Variants in KLHL1 observed in about 807,000 individuals in gnomAD.
KLHL1 encodes the protein kelch like family member 1, also known as kelch-like protein 1.
KLHL1 carries 47 observed loss-of-function variants against 77.7 expected under a neutral mutation model. The ratio of observed to expected loss-of-function variants is 0.60; its 90% CI spans 0.48 to 0.77. The LOEUF (loss-of-function observed/expected upper bound fraction) is 0.77. KLHL1 is among the 30% of genes least tolerant of loss of function. The pLI is 0.00. For missense variants in KLHL1, 925 were observed against 910.8 expected (o/e 1.02, Z -0.20); for synonymous variants, 360 against 325.2 (o/e 1.11, Z -1.15).
chr13:70,068,660 A>G (rs1887071544), intron 1 of KLHL1, among the ~76,000 whole-genome samples: 1 of 152,224 alleles, frequency 6.6e-6, no homozygotes, highest in Non-Finnish European at 1.5e-5. Flanking sequence ...GTTTATCCCT[A>G]AAAATCTAAA....
At chr13:69,754,010 TTTTTG>T (rs916663725) in intron 7 of KLHL1, among the ~76,000 whole-genome samples, 1 of 151,916 alleles carries the variant, frequency 6.6e-6, no homozygotes, top group Non-Finnish European at 1.5e-5. Flanking sequence ...CTAATTTTTT[TTTTTG>T]TTTTTAGTAG....
intron 2 of KLHL1, among the ~76,000 whole-genome samples, chr13:69,971,429 AATC>A (rs1175051909): frequency 1.3e-5 from 2 of 152,112 alleles, no homozygotes; most frequent in African/African-American, 4.8e-5. Flanking sequence ...GGTCTATCAT[AATC>A]ATCTTTGTCC....
At chr13:69,738,862 C>T (rs1873872071) in intron 8 of KLHL1, among the ~76,000 whole-genome samples, 1 of 152,096 alleles carries the variant, frequency 6.6e-6, no homozygotes, top group Non-Finnish European at 1.5e-5. Context: ...TTCCAACTTA[C>T]CAAGACAGGC....
At chr13:69,776,040 C>T (rs1311203429) in intron 7 of KLHL1, among the ~76,000 whole-genome samples, 1 of 151,604 alleles carries the variant, frequency 6.6e-6, no homozygotes, top group Non-Finnish European at 1.5e-5. Flanking sequence ...CTTGTATTCC[C>T]AGCTGCTAGG....
chr13:69,875,525 T>C (rs952829925), intron 5 of KLHL1, among the ~76,000 whole-genome samples: 1 of 152,152 alleles, frequency 6.6e-6, no homozygotes, highest in Non-Finnish European at 1.5e-5. Flanking sequence ...ATAAAGACTT[T>C]CAGATTATGT....
chr13:69,734,810 T>C (rs184539175), intron 8 of KLHL1, among the ~76,000 whole-genome samples: 1 of 152,232 alleles, frequency 6.6e-6, no homozygotes, highest in East Asian at 1.9e-4. Flanking sequence ...AAAGGTACTA[T>C]ATATAATAGT....
intron 3 of KLHL1, among the ~76,000 whole-genome samples, chr13:69,960,623 T>A (rs1478566239): frequency 6.6e-6 from 1 of 152,100 alleles, no homozygotes; most frequent in Non-Finnish European, 1.5e-5. Context: ...GTTCATTTGG[T>A]CTGTGAGCTT....
At chr13:70,014,828 A>G (rs1885618911) in intron 1 of KLHL1, among the ~76,000 whole-genome samples, 1 of 152,166 alleles carries the variant, frequency 6.6e-6, no homozygotes, top group Non-Finnish European at 1.5e-5. Context: ...TGGGAAAAAC[A>G]TTCTAGAAAA....
chr13:69,879,300 TATA>T (rs1880890912), intron 5 of KLHL1, among the ~76,000 whole-genome samples: 1 of 152,216 alleles, frequency 6.6e-6, no homozygotes, highest in African/African-American at 2.4e-5. Context: ...TCATTTATGC[TATA>T]ATATTGCTGT....
At chr13:69,804,416 G>A (rs1877526112) in intron 6 of KLHL1, among the ~76,000 whole-genome samples, 1 of 151,960 alleles carries the variant, frequency 6.6e-6, no homozygotes, top group Non-Finnish European at 1.5e-5. Flanking sequence ...CACTTATCTT[G>A]CATACAGCAC....
intron 7 of KLHL1, among the ~76,000 whole-genome samples, chr13:69,758,231 A>G (rs951698967): frequency 1.4e-4 from 21 of 152,088 alleles, no homozygotes; most frequent in Admixed American, 1.3e-3. Flanking sequence ...TCTTGTTCAA[A>G]AGATAAACCA....
intron 3 of KLHL1, among the ~76,000 whole-genome samples, chr13:69,958,391 A>G (rs1207870845): frequency 6.6e-6 from 1 of 151,804 alleles, no homozygotes; most frequent in Non-Finnish European, 1.5e-5. Context: ...AGTGTTTCCC[A>G]TATCTTAATA....
chr13:69,937,331 C>T (rs906677662), intron 4 of KLHL1, among the ~76,000 whole-genome samples: 2 of 152,156 alleles, frequency 1.3e-5, no homozygotes, highest in Non-Finnish European at 2.9e-5. Flanking sequence ...CTGCTTTAAA[C>T]ACAAGTCCAT....
At chr13:69,940,803 A>T (rs1883342736) in intron 3 of KLHL1, among the ~76,000 whole-genome samples, 1 of 150,422 alleles carries the variant, frequency 6.6e-6, no homozygotes, top group African/African-American at 2.4e-5. Flanking sequence ...AAAAAAAAAA[A>T]AAAAAAAAAA....
chr13:70,085,289 G>C (rs1887508864), intron 1 of KLHL1, among the ~76,000 whole-genome samples: 1 of 152,134 alleles, frequency 6.6e-6, no homozygotes, highest in South Asian at 2.1e-4. Context: ...ACCTTGAAGT[G>C]ATAGCAGTTG....
At chr13:69,946,230 T>C (rs1883520756) in intron 3 of KLHL1, among the ~76,000 whole-genome samples, 1 of 152,124 alleles carries the variant, frequency 6.6e-6, no homozygotes, top group Non-Finnish European at 1.5e-5. Flanking sequence ...GAGAAAACAT[T>C]TGACGATTAT....
intron 8 of KLHL1, among the ~76,000 whole-genome samples, chr13:69,737,690 T>C (rs1481235191): frequency 2.0e-5 from 3 of 152,128 alleles, no homozygotes; most frequent in East Asian, 3.9e-4. Context: ...GGCCTCCCCA[T>C]GGGAATTTCA....
At chr13:69,870,531 C>G (rs1213831051) in intron 5 of KLHL1, among the ~76,000 whole-genome samples, 1 of 151,936 alleles carries the variant, frequency 6.6e-6, no homozygotes, top group Non-Finnish European at 1.5e-5. Context: ...CATCATGCCA[C>G]CCCAATTCTC....
chr13:69,855,305 TAGATAGATA>T (rs1434981644), intron 5 of KLHL1, among the ~76,000 whole-genome samples: 3,344 of 103,520 alleles, frequency 0.032, 148 homozygotes, highest in African/African-American at 0.12. Flanking sequence ...GATAGATAGA[TAGATAGATA>T]GATAGATAGA....
Sources: gnomAD v4.1 joint callset for allele counts (sites outside exome capture counted in the v4.1 genomes callset) on GRCh38, gnomAD v4.1.1 for gene constraint, MANE v1.5 for transcripts, NCBI Gene and HGNC (gene_info 2026-07-23, HGNC 2026-07-21) for gene names.